ANKRD11: variants seen among roughly 807,000 people sequenced by gnomAD.
The protein encoded by ANKRD11 is ankyrin repeat domain 11.
Under a neutral mutation model 195.7 loss-of-function variants are expected in ANKRD11, and 17 were observed. The observed-to-expected ratio is 0.09, with a 90% confidence interval of 0.06 to 0.13. The LOEUF (loss-of-function observed/expected upper bound fraction) is 0.13, where lower values mean the gene tolerates loss of function less well. Ranked by LOEUF, ANKRD11 falls within the 10% of genes least tolerant of loss-of-function variation. The probability of loss-of-function intolerance (pLI) is 1.00; values close to 1 mark genes in which losing one functional copy is unlikely to be tolerated. For synonymous variants in ANKRD11, 1,953 were observed against 1,528.1 expected, an observed-to-expected ratio of 1.28 and a Z score of -6.49; for missense variants, 3,735 against 3,566.1, an observed-to-expected ratio of 1.05 and a Z score of -1.21.
At chr16:89,289,119 C>G (rs993738730) in intron 6 of ANKRD11, 19 of 267,074 alleles carry the variant, frequency 7.1e-5, no homozygotes, top group Middle Eastern at 1.4e-3. Flanking sequence ...CCAGGGGCGC[C>G]CAGGCTCGGG....
Position 89,291,212 on chromosome 16 carries a change from G to T in ANKRD11, c.227-29C>A. The T allele has an allele frequency of 6.2e-7, 1 of 1,610,816 alleles. No homozygotes were observed. Among genetic ancestry groups the T allele is most frequent in the South Asian group, 1.1e-5 (1 of 91,080 alleles). ...TGAGGCGGGCGAGGGAGAGAGGGAG[G>T]AGAGATTTCATGCCATGGTGTCCTC... On this transcript the variant is annotated intron_variant, in intron 4 of 12. Transcript: ENST00000301030. The surrounding 1 kb of genome is among the most constrained non-coding windows in gnomAD (Gnocchi z 5.3).
intron 2 of ANKRD11, among the ~76,000 whole-genome samples, chr16:89,335,419 G>C (rs2038300509): frequency 1.3e-5 from 2 of 152,174 alleles, no homozygotes; most frequent in African/African-American, 2.4e-5. Flanking sequence ...CTGCATTCAG[G>C]GGTCTCTGCC....
At chr16:89,407,244 A>C (rs1229183898) in intron 2 of ANKRD11, among the ~76,000 whole-genome samples, 1 of 152,138 alleles carries the variant, frequency 6.6e-6, no homozygotes, top group African/African-American at 2.4e-5. Flanking sequence ...AAGGCACACG[A>C]GGAACATCAG....
At chr16:89,315,260 G>C (rs906730047) in intron 3 of ANKRD11, among the ~76,000 whole-genome samples, 5 of 152,194 alleles carry the variant, frequency 3.3e-5, no homozygotes, top group African/African-American at 9.7e-5. Flanking sequence ...CACCCTTGCA[G>C]AGCTGGCTGC....
chr16:89,317,094 C>G lies in ANKRD11; in HGVS notation c.-59-16G>C. The G allele has an allele frequency of 6.8e-7, 1 of 1,472,554 alleles. No individual in the cohort carries two copies. Among genetic ancestry groups the G allele is most frequent in the East Asian group, 2.4e-5 (1 of 41,298 alleles). 91.2% of individuals were successfully genotyped at this position (1,472,554 alleles called of 1,614,324 possible). ...CAACCGTCTGCTTCAAAAGAGAAGACACACAATTCACTGAATTCAGAGGCA... is the reference window on the plus strand; with the variant it reads ...CAACCGTCTGCTTCAAAAGAGAAGAGACACAATTCACTGAATTCAGAGGCA... On this transcript the variant is annotated splice_polypyrimidine_tract_variant and intron_variant, in intron 2 of 12. Coordinates refer to ENST00000301030, the MANE Select transcript of ANKRD11 (RefSeq NM_013275.6).
intron 1 of ANKRD11, among the ~76,000 whole-genome samples, chr16:89,445,126 C>T (rs760952625): frequency 1.3e-5 from 2 of 152,376 alleles, no homozygotes; most frequent in East Asian, 1.9e-4. Context: ...CTCTCCACGG[C>T]AGGCCCACCT....
At chr16:89,364,753 A>G (rs934375455) in intron 2 of ANKRD11, among the ~76,000 whole-genome samples, 4 of 152,198 alleles carry the variant, frequency 2.6e-5, no homozygotes, top group Non-Finnish European at 5.9e-5. Flanking sequence ...CCTATCTCAC[A>G]CTGTTCCCTG....
chr16:89,397,047 C>T (rs1206519854), intron 2 of ANKRD11, among the ~76,000 whole-genome samples: 2 of 151,698 alleles, frequency 1.3e-5, no homozygotes, highest in Non-Finnish European at 2.9e-5. Flanking sequence ...AAAGAATGTG[C>T]TGCTTATATG....
intron 9 of ANKRD11, chr16:89,278,618 G>A (rs763664826): frequency 5.9e-5 from 27 of 459,376 alleles, no homozygotes; most frequent in African/African-American, 3.8e-4. Context: ...CCCAAGGGAG[G>A]AGGTGGGGGA....
chr16:89,379,681 G>A (rs1280226265), intron 2 of ANKRD11, among the ~76,000 whole-genome samples: 3 of 152,174 alleles, frequency 2.0e-5, no homozygotes, highest in Admixed American at 6.5e-5. Context: ...GGACGCGAGC[G>A]CCCCAAGCAG....
At chr16:89,375,090 G>GT (rs1395819249) in intron 2 of ANKRD11, among the ~76,000 whole-genome samples, 1 of 151,974 alleles carries the variant, frequency 6.6e-6, no homozygotes, top group Non-Finnish European at 1.5e-5. Flanking sequence ...GTAAACAAAC[G>GT]TAACGTCGCA....
intron 2 of ANKRD11, among the ~76,000 whole-genome samples, chr16:89,411,881 C>G (rs2042123122): frequency 6.6e-6 from 1 of 152,034 alleles, no homozygotes; most frequent in Non-Finnish European, 1.5e-5. Flanking sequence ...CCCAGAGTCT[C>G]CTGGCCATGT....
chr16:89,287,701 CA>C (rs1158649561), intron 7 of ANKRD11: 1 of 161,704 alleles, frequency 6.2e-6, no homozygotes, highest in African/African-American at 2.4e-5. Context: ...AATAGGGACT[CA>C]GTGTTCTGAG....
intron 2 of ANKRD11, among the ~76,000 whole-genome samples, chr16:89,392,138 T>C (rs373675647): frequency 2.0e-5 from 3 of 152,198 alleles, no homozygotes; most frequent in South Asian, 2.1e-4. Context: ...GACACAGCAG[T>C]TGGTATAAAA....
chr16:89,473,393 C>A (rs1189906024), intron 1 of ANKRD11, among the ~76,000 whole-genome samples: 1 of 152,180 alleles, frequency 6.6e-6, no homozygotes, highest in Non-Finnish European at 1.5e-5. Context: ...CAGGCCCTGA[C>A]CAGCTGCTTC....
chr16:89,489,984 C>T (rs1227765743), intron 1 of ANKRD11, among the ~76,000 whole-genome samples: 3 of 134,388 alleles, frequency 2.2e-5, no homozygotes, highest in Non-Finnish European at 5.0e-5. Flanking sequence ...CCCCTATGGG[C>T]CCCTCACGGC....
rs532394705 is a variant in ANKRD11, at chr16:89,403,110, A to G, written c.-60+15174T>C. 7.2e-5 allele frequency among the ~76,000 whole-genome samples: 11 copies of G among 152,278 alleles called. No individual in the cohort carries two copies. The South Asian group carries it at 2.3e-3, about 32-fold the overall frequency. On this transcript the variant is annotated intron_variant, in intron 2 of 12. Coordinates refer to ENST00000301030, the MANE Select transcript of ANKRD11 (RefSeq NM_013275.6). The stretch of plus-strand genomic sequence containing the variant: ...CATCACTGCACGTGGACACATCATC[A>G]ACCTCTCAGCGTGACGTGCCCTCGT...
In ANKRD11 at chr16:89,490,453, C is replaced by G. The variant is rs778826576; in HGVS notation, c.-353G>C. 1.1e-5 allele frequency: 4 copies of G among 373,694 alleles called. No individual in the cohort carries two copies. The Admixed American group carries it at 1.4e-4, about 13-fold the overall frequency. The allele number at this position is 373,694 out of a possible 1,614,324, so 23.1% of individuals were successfully genotyped here. A position where few individuals can be genotyped will look rare whatever the true frequency, so the allele number is the denominator to read the frequency against. ...GCGCCCACGGCTCGGGCGAGAGCCG[C>G]GGCTCCCGGTGCGGACGCTACTGAT... On this transcript the variant is annotated 5_prime_UTR_variant, in exon 1 of 13. Coordinates refer to ENST00000301030, the MANE Select transcript of ANKRD11 (RefSeq NM_013275.6).
chr16:89,381,294 T>G (rs2040635552), intron 2 of ANKRD11, among the ~76,000 whole-genome samples: 1 of 135,636 alleles, frequency 7.4e-6, no homozygotes. Flanking sequence ...AATGCGCCAC[T>G]GCACTCCAGC....
Sources: gnomAD v4.1 joint callset for allele counts (sites outside exome capture counted in the v4.1 genomes callset) on GRCh38, gnomAD v4.1.1 for gene constraint, Gnocchi (gnomAD v3.1) non-coding constraint, MANE v1.5 for transcripts, NCBI Gene and HGNC (gene_info 2026-07-23, HGNC 2026-07-21) for gene names.